PTPN21: variants seen among roughly 807,000 people sequenced by gnomAD.
The protein encoded by PTPN21 is tyrosine-protein phosphatase non-receptor type 21.
PTPN21 carries 77 observed loss-of-function variants against 131.8 expected under a neutral mutation model. The ratio of observed to expected loss-of-function variants is 0.58; its 90% CI spans 0.49 to 0.71. The LOEUF (loss-of-function observed/expected upper bound fraction) is 0.71, where lower values mean the gene tolerates loss of function less well. Ranked by LOEUF, PTPN21 falls within the 30% of genes least tolerant of loss-of-function variation. The pLI is 0.00. For synonymous variants in PTPN21, 715 were observed against 621.3 expected (o/e 1.15, Z -2.24); for missense variants, 1,552 against 1,527.1 (o/e 1.02, Z -0.27).
chr14:88,526,218 G>A (rs1320160754), intron 2 of PTPN21, among the ~76,000 whole-genome samples: 2 of 152,084 alleles, frequency 1.3e-5, no homozygotes, highest in South Asian at 2.1e-4. Context: ...AGACAGTATT[G>A]TAATCGTACT....
At chr14:88,485,399 T>C (rs74812909) in intron 11 of PTPN21, among the ~76,000 whole-genome samples, 47 of 152,268 alleles carry the variant, frequency 3.1e-4, no homozygotes, top group African/African-American at 1.0e-3. Context: ...CCAGAAAATC[T>C]GCATCTAAAA....
chr14:88,552,878 A>G (rs1284654050), intron 1 of PTPN21, among the ~76,000 whole-genome samples: 1 of 152,222 alleles, frequency 6.6e-6, no homozygotes, highest in Non-Finnish European at 1.5e-5. Flanking sequence ...ATATTTAAGG[A>G]TTATAAATAT....
intron 10 of PTPN21, among the ~76,000 whole-genome samples, chr14:88,489,334 T>C (rs2077786949): frequency 1.3e-5 from 2 of 152,312 alleles, no homozygotes; most frequent in African/African-American, 4.8e-5. Context: ...AAAGATGCCA[T>C]TGAAAGCTCA....
intron 5 of PTPN21, among the ~76,000 whole-genome samples, chr14:88,504,963 T>C (rs993596956): frequency 1.3e-5 from 2 of 152,210 alleles, no homozygotes; most frequent in African/African-American, 2.4e-5. Flanking sequence ...CATTCCTCAA[T>C]ATAATTTTGT....
In PTPN21 at chr14:88,469,373, T is replaced by C; in HGVS notation, c.3235+126A>G. On this transcript the variant is annotated intron_variant, in intron 17 of 18. Coordinates refer to ENST00000556564, the MANE Select transcript of PTPN21 (RefSeq NM_007039.4). The surrounding 1 kb of genome is among the most constrained non-coding windows in gnomAD (Gnocchi z 4.3). Reference sequence around the variant, plus strand: ...CCCTCCCCAAAACACTTGTATTCTTTATGTTAAAACAAGTCCGAAGCTTAT... The same window carrying C: ...CCCTCCCCAAAACACTTGTATTCTTCATGTTAAAACAAGTCCGAAGCTTAT... 2 of 899,562 alleles carry C rather than the reference T, an allele frequency of 2.2e-6. No homozygotes were observed. Among genetic ancestry groups the C allele is most frequent in the South Asian group, 3.4e-5 (2 of 58,524 alleles). The allele number at this position is 899,562 out of a possible 1,614,324, so 55.7% of individuals were successfully genotyped here. A position where few individuals can be genotyped will look rare whatever the true frequency, so the allele number is the denominator to read the frequency against.
chr14:88,549,679 A>T (rs1332281752), intron 2 of PTPN21, among the ~76,000 whole-genome samples: 1 of 150,866 alleles, frequency 6.6e-6, no homozygotes, highest in East Asian at 1.9e-4. Flanking sequence ...GCTCACTGCA[A>T]CCTCCACCTC....
chr14:88,540,322 T>C (rs2078688202), intron 2 of PTPN21, among the ~76,000 whole-genome samples: 1 of 152,216 alleles, frequency 6.6e-6, no homozygotes, highest in Admixed American at 6.5e-5. Context: ...TACACAGGGT[T>C]ACACATATGT....
rs750949133 is a variant in PTPN21, at chr14:88,472,447, G to A, written c.2668C>T (p.Arg890Ter). The change falls in exon 15 of 19, where the codon CGA (arginine) becomes TGA (stop). Residue 890 changes from arginine (R) to a stop codon, truncating the protein, a stop_gained. Coordinates refer to ENST00000556564, the MANE Select transcript of PTPN21 (RefSeq NM_007039.4). LOFTEE classifies it high-confidence loss of function. ...NDERCKILEQRLEQGMVFTEY... is the reference protein window; with the variant it reads ...NDERCKILEQ ...GTGAATACCATTCCTTGTTCTAATC[G>A]TTGTTCCAGAATTTTACACTATAAA... The A allele has an allele frequency of 2.5e-6, 4 of 1,611,646 alleles. No homozygotes were observed. The highest frequency in any genetic ancestry group is 1.1e-5 in the South Asian group (1 of 90,916).
chr14:88,469,444 TC>T lies in PTPN21; in HGVS notation c.3235+54del. 1 of 1,403,926 alleles carries T rather than the reference TC, an allele frequency of 7.1e-7. No individual in the cohort carries two copies. The highest frequency in any genetic ancestry group is 1.2e-5 in the South Asian group (1 of 86,026). 87.0% of individuals were successfully genotyped at this position (1,403,926 alleles called of 1,614,324 possible). On this transcript the variant is annotated intron_variant, in intron 17 of 18. Transcript: ENST00000556564. This position sits in a 1 kb window ranked among gnomAD's most constrained non-coding sequence, Gnocchi z 4.3. ...TATTTCGGAAACATAAATGTTCCTC[TC>T]TGTTTAACACCTCCAGAGGCAGCTG...
In PTPN21 at chr14:88,504,258, T is replaced by C. The variant is rs571869479; in HGVS notation, c.587+167A>G. On this transcript the variant is annotated intron_variant, in intron 6 of 18. Coordinates refer to ENST00000556564, the MANE Select transcript of PTPN21 (RefSeq NM_007039.4). ...ACTTAGAACAGCACATGACACACAG[T>C]GAGTGCTATATAAATGTTGGCTACT... Among the ~76,000 whole-genome samples, 33 of 152,218 alleles carry C rather than the reference T, an allele frequency of 2.2e-4. No individual in the cohort carries two copies. The South Asian group carries it at 6.8e-3, about 32-fold the overall frequency.
intron 3 of PTPN21, among the ~76,000 whole-genome samples, chr14:88,509,966 G>A (rs750595166): frequency 2.8e-4 from 42 of 152,202 alleles, no homozygotes; most frequent in Non-Finnish European, 1.0e-4. Flanking sequence ...AACCCAGGAA[G>A]CAGAGGTTGC....
At chr14:88,507,760 C>T (rs2078114366) in intron 4 of PTPN21, among the ~76,000 whole-genome samples, 163 bp downstream of exon 4, 2 of 149,726 alleles carry the variant, frequency 1.3e-5, no homozygotes, top group African/African-American at 5.0e-5. Context: ...ATTCCAAGTT[C>T]ATTTTTTCCC....
chr14:88,524,869 C>T (rs984549185), intron 2 of PTPN21, among the ~76,000 whole-genome samples: 5 of 151,950 alleles, frequency 3.3e-5, no homozygotes, highest in Non-Finnish European at 5.9e-5. Flanking sequence ...TGTACCACTG[C>T]ATTCCAGCCT....
At position 88,469,770 on chromosome 14, in the gene PTPN21, C is replaced by T. The variant is rs753579009; in HGVS notation, c.3001-37G>A. The T allele has an allele frequency of 1.0e-5, 16 of 1,607,722 alleles. No individual in the cohort carries two copies. Among genetic ancestry groups the T allele is most frequent in the Admixed American group, 3.3e-5 (2 of 59,978 alleles). On this transcript the variant is annotated intron_variant, in intron 16 of 18. Coordinates refer to ENST00000556564, the MANE Select transcript of PTPN21 (RefSeq NM_007039.4). The surrounding 1 kb of genome is among the most constrained non-coding windows in gnomAD (Gnocchi z 4.3). ...GAGCATGGTTAAATGACTCGAGATC[C>T]GGCAATGGATGCCTTTCTCACATAG...
At chr14:88,497,398 A>G (rs1481752090) in intron 8 of PTPN21, 108 bp from the exon 9 acceptor site, 2 of 864,824 alleles carry the variant, frequency 2.3e-6, no homozygotes, top group African/African-American at 3.4e-5. Flanking sequence ...AGCATTTGGT[A>G]ACATTTTTGA....
rs774987709 is a variant in PTPN21 at position 88,468,247 on chromosome 14, C to T, written c.3415G>A (p.Val1139Met). 3.3e-5 allele frequency: 53 copies of T among 1,606,860 alleles called. No individual in the cohort carries two copies. Among genetic ancestry groups the T allele is most frequent in the African/African-American group, 3.1e-4 (23 of 74,524 alleles). The change falls in exon 19 of 19, where the codon GTG becomes ATG. Residue 1139 changes from valine (V) to methionine (M), a missense_variant. Around this residue, in one of 4 missense-constraint regions of PTPN21, gnomAD observed 316 missense variants for 378.5 expected, o/e 0.83. Coordinates refer to ENST00000556564, the MANE Select transcript of PTPN21 (RefSeq NM_007039.4). The stretch of plus-strand genomic sequence containing the variant: ...CTCTGTTGCCTCAGCATGTCCAGCA[C>T]TCTCGGGATGTCCAGCACCTAGGTT... ...EHNEVLDIPR[V>M]LDMLRQQRMM...
At chr14:88,552,807 T>A (rs1465610405) in intron 1 of PTPN21, among the ~76,000 whole-genome samples, 4 of 152,164 alleles carry the variant, frequency 2.6e-5, no homozygotes, top group Admixed American at 1.3e-4. Flanking sequence ...TGGAAAAAAA[T>A]TAGCAAATGA....
intron 2 of PTPN21, 99 bp from the exon 3 acceptor site, chr14:88,517,360 G>A (rs950010538): frequency 7.0e-6 from 9 of 1,289,826 alleles, no homozygotes; most frequent in Non-Finnish European, 9.8e-6. Context: ...AATGACAGCA[G>A]TCTCTTATTG....
At chr14:88,507,809 A>G in intron 4 of PTPN21, 114 bp downstream of exon 4, 1 of 553,882 alleles carries the variant, frequency 1.8e-6, no homozygotes, top group Non-Finnish European at 3.0e-6. Context: ...TTTCACTAAT[A>G]TATAAACACT....
Sources: allele counts gnomAD v4.1 joint callset (sites outside exome capture counted in the v4.1 genomes callset), GRCh38; gene constraint gnomAD v4.1.1; regional missense constraint gnomAD v4.1.1; non-coding constraint Gnocchi (gnomAD v3.1); transcripts MANE v1.5; gene names NCBI Gene and HGNC (gene_info 2026-07-23, HGNC 2026-07-21).